ZMIZ1: variants seen among roughly 807,000 people sequenced by gnomAD.
The protein encoded by ZMIZ1 is zinc finger MIZ domain-containing protein 1.
Under a neutral mutation model 113.9 loss-of-function variants are expected in ZMIZ1, and 17 were observed. The observed-to-expected ratio is 0.15, with a 90% confidence interval of 0.10 to 0.22. ZMIZ1 has a LOEUF of 0.22. ZMIZ1 is among the 10% of genes least tolerant of loss of function. ZMIZ1 has a pLI of 1.00. For synonymous variants in ZMIZ1, 607 were observed against 603.1 expected, an observed-to-expected ratio of 1.01 and a Z score of -0.09; for missense variants, 1,059 against 1,477.8, an observed-to-expected ratio of 0.72 and a Z score of 4.65.
intron 3 of ZMIZ1, among the ~76,000 whole-genome samples, chr10:79,150,143 G>C (rs992578986): frequency 2.0e-5 from 3 of 152,196 alleles, no homozygotes; most frequent in Non-Finnish European, 2.9e-5. Flanking sequence ...CAGGGATGAG[G>C]CGAAACCCAA....
chr10:79,234,521 A>G (rs951004312), intron 7 of ZMIZ1, among the ~76,000 whole-genome samples: 3 of 152,218 alleles, frequency 2.0e-5, no homozygotes, highest in Non-Finnish European at 4.4e-5. Context: ...ACAATCAAGG[A>G]ATACAGAAAA....
intron 7 of ZMIZ1, among the ~76,000 whole-genome samples, chr10:79,226,094 C>T (rs1235806956): frequency 6.6e-6 from 1 of 152,206 alleles, no homozygotes; most frequent in Non-Finnish European, 1.5e-5. Context: ...AGTGAATGCT[C>T]CCATTCTGTG....
chr10:79,280,753 T>TGAAGG (rs1554827481), intron 8 of ZMIZ1, among the ~76,000 whole-genome samples: 3 of 150,790 alleles, frequency 2.0e-5, no homozygotes, highest in Non-Finnish European at 4.4e-5. Flanking sequence ...CTCCCACATT[T>TGAAGG]GAGTCTCACC....
At chr10:79,175,278 C>G (rs1355633629) in intron 4 of ZMIZ1, among the ~76,000 whole-genome samples, 1 of 152,232 alleles carries the variant, frequency 6.6e-6, no homozygotes, top group Admixed American at 6.5e-5. Context: ...CTGTTTCTGT[C>G]CCACTGCCCT....
intron 2 of ZMIZ1, among the ~76,000 whole-genome samples, chr10:79,134,834 GT>G (rs1157928266): frequency 1.9e-4 from 28 of 148,512 alleles, no homozygotes; most frequent in South Asian, 1.1e-3. Flanking sequence ...TAATTAAATA[GT>G]TTTTTTTTTT....
chr10:79,303,565 T>C (rs934332571), intron 18 of ZMIZ1, among the ~76,000 whole-genome samples: 2 of 150,886 alleles, frequency 1.3e-5, no homozygotes, highest in Non-Finnish European at 2.9e-5. Context: ...ACAGGGCCAC[T>C]CTTCACATTG....
chr10:79,276,246 G>A (rs1398786665), intron 7 of ZMIZ1, among the ~76,000 whole-genome samples: 2 of 152,230 alleles, frequency 1.3e-5, no homozygotes, highest in Non-Finnish European at 2.9e-5. Context: ...TGGTGACTGA[G>A]CGCAGCCAGT....
At chr10:79,215,900 G>C (rs777831870) in intron 6 of ZMIZ1, among the ~76,000 whole-genome samples, 1 of 152,174 alleles carries the variant, frequency 6.6e-6, no homozygotes, top group Non-Finnish European at 1.5e-5. Context: ...TGAGCCCTTG[G>C]AAGCGGCGGG....
chr10:79,162,223 C>T, intron 4 of ZMIZ1, 90 bp downstream of exon 4: 1 of 398,016 alleles, frequency 2.5e-6, no homozygotes, highest in African/African-American at 2.1e-5. Flanking sequence ...CACGCTGGAC[C>T]TTTGACTCGG....
rs1022572840 is a variant in ZMIZ1 at position 79,208,594 on chromosome 10, G to A, written c.174+145G>A. ...GGGAAGACACTGGTGCTGGGGGGAT[G>A]GCCCTATTTGGTGTGTCCCCCACGT... On this transcript the variant is annotated intron_variant, in intron 6 of 24. Transcript: ENST00000334512. The A allele has an allele frequency of 5.7e-6, 4 of 698,708 alleles. No homozygotes were observed. The African/African-American group carries it at 7.2e-5, about 13-fold the overall frequency. 43.3% of individuals were successfully genotyped at this position (698,708 alleles called of 1,614,324 possible). A position where few individuals can be genotyped will look rare whatever the true frequency, so the allele number is the denominator to read the frequency against.
chr10:79,075,680 T>G (rs1300920791), intron 1 of ZMIZ1, among the ~76,000 whole-genome samples: 3 of 152,220 alleles, frequency 2.0e-5, no homozygotes, highest in Non-Finnish European at 4.4e-5. Context: ...TCCGGCTGCC[T>G]GGCCCAGGGT....
At chr10:79,267,643 C>A (rs901458868) in intron 7 of ZMIZ1, among the ~76,000 whole-genome samples, 1 of 152,216 alleles carries the variant, frequency 6.6e-6, no homozygotes, top group African/African-American at 2.4e-5. Flanking sequence ...TGAACCCAGG[C>A]AGCCTGGCTC....
chr10:79,184,138 G>A lies in ZMIZ1; in HGVS notation c.-49-17446G>A, dbSNP rs77663793. Among the ~76,000 whole-genome samples the A allele has an allele frequency of 7.0e-3, 1,068 of 152,278 alleles. 19 individuals are homozygous for A. Among genetic ancestry groups the A allele is most frequent in the African/African-American group, 0.025 (1,018 of 41,548 alleles). On this transcript the variant is annotated intron_variant, in intron 4 of 24. Transcript: ENST00000334512. ...CTGCTCCGTGGCCTGTCTTCCTGTG[G>A]GAGGACAGTGTGCAGAATGTTTAGA... is the stretch of plus-strand genomic sequence containing the variant.
Position 79,118,640 on chromosome 10 carries a change from G to C in ZMIZ1, c.-336-275G>C, listed in dbSNP as rs974342614. 6.6e-6 allele frequency among the ~76,000 whole-genome samples: 1 copy of C among 152,250 alleles called. No homozygotes were observed. On this transcript the variant is annotated intron_variant, in intron 1 of 24. Transcript: ENST00000334512. This position sits in a 1 kb window ranked among gnomAD's most constrained non-coding sequence, Gnocchi z 4.1. Reference sequence around the variant, plus strand: ...GAGGCCGGGCTGACTGGAGCCTAGTGGTGGGCAGGCAGGTTTGGCTGCTGC... The same window carrying C: ...GAGGCCGGGCTGACTGGAGCCTAGTCGTGGGCAGGCAGGTTTGGCTGCTGC...
At chr10:79,138,008 C>T (rs577622322) in intron 2 of ZMIZ1, among the ~76,000 whole-genome samples, 13 of 152,328 alleles carry the variant, frequency 8.5e-5, no homozygotes, top group Admixed American at 1.3e-4. Flanking sequence ...CTCCCCATCC[C>T]GACCCCCACA....
chr10:79,134,419 G>A (rs1024385272), intron 2 of ZMIZ1, among the ~76,000 whole-genome samples: 1 of 152,234 alleles, frequency 6.6e-6, no homozygotes, highest in Non-Finnish European at 1.5e-5. Context: ...AATTTGCAGG[G>A]AGGTGGCTTT....
At chr10:79,156,249 G>T (rs1472188676) in intron 3 of ZMIZ1, among the ~76,000 whole-genome samples, 1 of 152,196 alleles carries the variant, frequency 6.6e-6, no homozygotes, top group Non-Finnish European at 1.5e-5. Context: ...GGTGGGTGGG[G>T]AGGGTAGTTC....
chr10:79,071,174 A>G (rs1048084162), intron 1 of ZMIZ1, among the ~76,000 whole-genome samples: 2 of 152,146 alleles, frequency 1.3e-5, no homozygotes, highest in African/African-American at 4.8e-5. Context: ...CGCCGGGTGC[A>G]GAGCCGCTCC....
chr10:79,140,492 G>A (rs745870480), intron 3 of ZMIZ1, among the ~76,000 whole-genome samples: 5 of 152,176 alleles, frequency 3.3e-5, no homozygotes, highest in Non-Finnish European at 7.3e-5. Context: ...GAGAAGTTCT[G>A]CTTTTGAGGC....
Sources: allele counts gnomAD v4.1 joint callset (sites outside exome capture counted in the v4.1 genomes callset), GRCh38; gene constraint gnomAD v4.1.1; non-coding constraint Gnocchi (gnomAD v3.1); transcripts MANE v1.5; gene names NCBI Gene and HGNC (gene_info 2026-07-23, HGNC 2026-07-21).